TOX: variants seen among roughly 807,000 people sequenced by gnomAD.
TOX encodes the protein thymocyte selection associated high mobility group box, also known as thymocyte selection-associated high mobility group box protein TOX.
In TOX, 11 loss-of-function variants were observed where a neutral mutation model predicts 53.7. The ratio of observed to expected loss-of-function variants is 0.20; its 90% CI spans 0.13 to 0.34. TOX has a LOEUF of 0.34. TOX is among the 10% of genes least tolerant of loss of function. The pLI, the probability that TOX is intolerant of heterozygous loss-of-function variation, is 1.00. For synonymous variants in TOX, 225 were observed against 245.3 expected (o/e 0.92, Z 0.77); for missense variants, 570 against 664.6 (o/e 0.86, Z 1.56).
At chr8:58,910,946 A>T (rs901154154) in intron 3 of TOX, among the ~76,000 whole-genome samples, 4 of 152,194 alleles carry the variant, frequency 2.6e-5, no homozygotes, top group Non-Finnish European at 1.5e-5. Context: ...CGGATAACCA[A>T]AGATACTTCC....
intron 2 of TOX, among the ~76,000 whole-genome samples, chr8:58,944,143 T>C (rs1812487736): frequency 6.6e-6 from 1 of 152,196 alleles, no homozygotes; most frequent in African/African-American, 2.4e-5. Flanking sequence ...TTGCTAGTGC[T>C]GAGCTACGCA....
At chr8:58,914,895 G>T (rs1056146844) in intron 3 of TOX, among the ~76,000 whole-genome samples, 2 of 152,020 alleles carry the variant, frequency 1.3e-5, no homozygotes, top group African/African-American at 2.4e-5. Context: ...CCTGGGAAGC[G>T]CAAGGGGTCA....
At chr8:58,839,189 A>G in intron 4 of TOX, among the ~76,000 whole-genome samples, 1 of 152,236 alleles carries the variant, frequency 6.6e-6, no homozygotes, top group Non-Finnish European at 1.5e-5. Flanking sequence ...TTCTCCAATG[A>G]TGGAAAAGTT....
intron 1 of TOX, among the ~76,000 whole-genome samples, chr8:59,109,965 T>C (rs1464069847): frequency 3.3e-5 from 5 of 152,212 alleles, no homozygotes; most frequent in African/African-American, 1.2e-4. Context: ...AAACCTGCTT[T>C]GGGATTTTTC....
At chr8:58,948,255 G>T (rs931140480) in intron 2 of TOX, among the ~76,000 whole-genome samples, 9 of 152,100 alleles carry the variant, frequency 5.9e-5, no homozygotes, top group African/African-American at 9.7e-5. Flanking sequence ...GGTGGGGCAG[G>T]GTAGCCCTAA....
Position 58,851,809 on chromosome 8 carries a change from CAATA to C in TOX, c.412-8_412-5del, listed in dbSNP as rs3837195. On this transcript the variant is annotated splice_polypyrimidine_tract_variant and splice_region_variant and intron_variant, in intron 3 of 8. Coordinates refer to ENST00000361421, the MANE Select transcript of TOX (RefSeq NM_014729.3). This position sits in a 1 kb window ranked among gnomAD's most constrained non-coding sequence, Gnocchi z 4.4. ...CTGGGTTTCGTATATCTGGCATCTA[CAATA>C]AATAAATAAATAAATAAATAAATAA... The C allele has an allele frequency of 0.53, 637,389 of 1,205,936 alleles. 178,822 individuals are homozygous for C. Among genetic ancestry groups the C allele is most frequent in the African/African-American group, 0.72 (44,423 of 61,510 alleles). The allele number at this position is 1,205,936 out of a possible 1,614,324, so 74.7% of individuals were successfully genotyped here.
chr8:59,070,386 A>C (rs1410654772), intron 1 of TOX, among the ~76,000 whole-genome samples: 1 of 146,382 alleles, frequency 6.8e-6, no homozygotes, highest in African/African-American at 2.6e-5. Context: ...GCAAACCTCT[A>C]TCTATGCTTC....
intron 3 of TOX, among the ~76,000 whole-genome samples, chr8:58,887,243 T>A (rs2129171469): frequency 6.6e-6 from 1 of 152,040 alleles, no homozygotes; most frequent in South Asian, 2.1e-4. Context: ...TGGTATTTAT[T>A]AGTGAGCCTG....
intron 1 of TOX, among the ~76,000 whole-genome samples, chr8:59,070,063 ATTG>A (rs1804166276): frequency 6.6e-6 from 1 of 152,360 alleles, no homozygotes; most frequent in East Asian, 1.9e-4. Context: ...ACATGCAACA[ATTG>A]TTGTTGAATT....
At chr8:59,043,316 C>G (rs1585982994) in intron 1 of TOX, among the ~76,000 whole-genome samples, 1 of 151,224 alleles carries the variant, frequency 6.6e-6, no homozygotes, top group South Asian at 2.1e-4. Flanking sequence ...TGTTAAAGTA[C>G]AGCAAAATGT....
intron 1 of TOX, among the ~76,000 whole-genome samples, chr8:59,113,675 T>C (rs994115230): frequency 4.0e-5 from 6 of 151,886 alleles, no homozygotes; most frequent in African/African-American, 1.5e-4. Flanking sequence ...CAAATTAAGA[T>C]TGGGGAGGAG....
intron 3 of TOX, among the ~76,000 whole-genome samples, chr8:58,935,393 C>A (rs113080596): frequency 2.0e-5 from 3 of 152,254 alleles, no homozygotes; most frequent in East Asian, 3.9e-4. Flanking sequence ...CAGCAAAAGG[C>A]TCAGCTTTGA....
rs574353761 is a variant in TOX, at chr8:58,923,556, T to G, written c.411+15746A>C. Among the ~76,000 whole-genome samples, 8 of 152,346 alleles carry G rather than the reference T, an allele frequency of 5.3e-5. No individual in the cohort carries two copies. In the South Asian group the frequency reaches 1.7e-3, roughly 32 times the overall value. On this transcript the variant is annotated intron_variant, in intron 3 of 8. Coordinates refer to ENST00000361421, the MANE Select transcript of TOX (RefSeq NM_014729.3). ...ATTCATTAATCAAACCTTTTTTCAT[T>G]TTTAAGATCCTTAAGAACACTACCT...
chr8:58,875,468 C>T (rs1445206164), intron 3 of TOX, among the ~76,000 whole-genome samples: 1 of 152,000 alleles, frequency 6.6e-6, no homozygotes, highest in Non-Finnish European at 1.5e-5. Context: ...AGATGATTTT[C>T]TGAATTCAGG....
At chr8:58,874,851 T>C (rs1021996342) in intron 3 of TOX, among the ~76,000 whole-genome samples, 1 of 152,224 alleles carries the variant, frequency 6.6e-6, no homozygotes, top group African/African-American at 2.4e-5. Flanking sequence ...GGAGAAGAAC[T>C]GTCTTGGGCC....
chr8:58,996,393 A>G (rs1242081851), intron 1 of TOX, among the ~76,000 whole-genome samples: 1 of 152,218 alleles, frequency 6.6e-6, no homozygotes. Flanking sequence ...CTATCTCAGA[A>G]TCATCAAGGT....
intron 3 of TOX, among the ~76,000 whole-genome samples, chr8:58,921,490 T>A (rs548481032): frequency 2.4e-4 from 37 of 152,356 alleles, no homozygotes; most frequent in Non-Finnish European, 4.1e-4. Flanking sequence ...CATTTGGTGT[T>A]AAGGCCCATA....
rs965360934 is a variant in TOX, at chr8:59,118,433, C to T, written c.102+453G>A. Among the ~76,000 whole-genome samples, 30 of 152,114 alleles carry T rather than the reference C, an allele frequency of 2.0e-4. No homozygotes were observed. The highest frequency in any genetic ancestry group is 4.6e-4 in the Admixed American group (7 of 15,280). On this transcript the variant is annotated intron_variant, in intron 1 of 8. Coordinates refer to ENST00000361421, the MANE Select transcript of TOX (RefSeq NM_014729.3). The surrounding 1 kb of genome is among the most constrained non-coding windows in gnomAD (Gnocchi z 4.1). The stretch of plus-strand genomic sequence containing the variant: ...CCCCGACTCCCGGCTGCTCCCCTGG[C>T]AACTAATCCGGAGAAGGGAAGTGGT...
intron 1 of TOX, among the ~76,000 whole-genome samples, chr8:59,026,069 T>G (rs1057463031): frequency 1.3e-5 from 2 of 152,128 alleles, no homozygotes; most frequent in African/African-American, 2.4e-5. Flanking sequence ...ATGCTCTATC[T>G]GCGCTCATTC....
Sources: allele counts gnomAD v4.1 joint callset (sites outside exome capture counted in the v4.1 genomes callset), GRCh38; gene constraint gnomAD v4.1.1; non-coding constraint Gnocchi (gnomAD v3.1); transcripts MANE v1.5; gene names NCBI Gene and HGNC (gene_info 2026-07-23, HGNC 2026-07-21).